The following CCSER1 variants were observed in gnomAD, a reference collection of about 807,000 sequenced individuals.
CCSER1 encodes coiled-coil serine rich protein 1, also known as serine-rich coiled-coil domain-containing protein 1.
A neutral mutation model predicts 82.0 loss-of-function variants in CCSER1; 41 were observed. The ratio of observed to expected loss-of-function variants is 0.50; its 90% CI spans 0.39 to 0.65. CCSER1 has a LOEUF of 0.65. Among genes scored for constraint, CCSER1 ranks in the 30% least tolerant of loss-of-function variants. The probability of loss-of-function intolerance (pLI) is 0.00; values close to 1 mark genes in which losing one functional copy is unlikely to be tolerated. For missense variants in CCSER1, 1,119 were observed against 1,064.2 expected, an observed-to-expected ratio of 1.05 and a Z score of -0.72; for synonymous variants, 414 against 383.9, an observed-to-expected ratio of 1.08 and a Z score of -0.92.
At chr4:90,964,635 G>T (rs1734367969) in intron 9 of CCSER1, among the ~76,000 whole-genome samples, 1 of 144,046 alleles carries the variant, frequency 6.9e-6, no homozygotes, top group Non-Finnish European at 1.5e-5. Flanking sequence ...TGATCCAGGA[G>T]AATGGCATGA....
chr4:91,357,358 TA>T (rs1478892354), intron 10 of CCSER1, among the ~76,000 whole-genome samples: 1 of 152,196 alleles, frequency 6.6e-6, no homozygotes, highest in Non-Finnish European at 1.5e-5. Flanking sequence ...ATAGACTCTT[TA>T]ATCTTTTATA....
At chr4:90,626,626 T>C (rs150449905) in intron 5 of CCSER1, among the ~76,000 whole-genome samples, 309 of 152,296 alleles carry the variant, frequency 2.0e-3, no homozygotes, top group African/African-American at 7.3e-3. Context: ...AGCACTGTTG[T>C]GGTTTAGAGC....
At chr4:90,911,498 G>T in intron 8 of CCSER1, 1 of 330,780 alleles carries the variant, frequency 3.0e-6, no homozygotes, top group Non-Finnish European at 6.0e-6. Context: ...AATCTTGGGG[G>T]CGGTTCCAAG....
intron 7 of CCSER1, among the ~76,000 whole-genome samples, chr4:90,793,825 G>A (rs1044261890): frequency 6.6e-6 from 1 of 152,164 alleles, no homozygotes; most frequent in East Asian, 1.9e-4. Context: ...AACTTTGCCA[G>A]AAGCTGTTAT....
At chr4:91,150,504 A>T (rs574478803) in intron 10 of CCSER1, among the ~76,000 whole-genome samples, 68 of 152,212 alleles carry the variant, frequency 4.5e-4, no homozygotes, top group African/African-American at 1.5e-3. Context: ...TGGCTAGAAC[A>T]TCCAACACTA....
At chr4:91,500,487 A>T (rs1247736620) in intron 10 of CCSER1, among the ~76,000 whole-genome samples, 1 of 151,884 alleles carries the variant, frequency 6.6e-6, no homozygotes, top group Non-Finnish European at 1.5e-5. Context: ...TTTTCCAGAG[A>T]CCATAGTAAA....
intron 10 of CCSER1, among the ~76,000 whole-genome samples, chr4:91,158,216 T>C (rs899557953): frequency 2.0e-5 from 3 of 152,014 alleles, no homozygotes; most frequent in African/African-American, 7.2e-5. Flanking sequence ...TAGTATTAAA[T>C]ATGCTATTTG....
intron 10 of CCSER1, among the ~76,000 whole-genome samples, chr4:91,537,203 C>T (rs116375495): frequency 1.8e-3 from 274 of 152,150 alleles, no homozygotes; most frequent in African/African-American, 6.2e-3. Flanking sequence ...AAGATGAAGA[C>T]ATTGAGACTT....
At chr4:90,932,539 A>G (rs1729955343) in intron 9 of CCSER1, among the ~76,000 whole-genome samples, 1 of 152,040 alleles carries the variant, frequency 6.6e-6, no homozygotes, top group Non-Finnish European at 1.5e-5. Flanking sequence ...GTTATAAGAA[A>G]CACTTAGAGC....
intron 10 of CCSER1, among the ~76,000 whole-genome samples, chr4:91,531,676 A>G (rs1761037147): frequency 6.6e-6 from 1 of 152,184 alleles, no homozygotes; most frequent in Non-Finnish European, 1.5e-5. Flanking sequence ...GAAGTCCAAG[A>G]TCAAAACAAT....
chr4:90,312,870 C>A lies in CCSER1; in HGVS notation c.1332C>A (p.Ala444=). The A allele has an allele frequency of 6.4e-7, 1 of 1,562,228 alleles. No homozygotes were observed. Among genetic ancestry groups the A allele is most frequent in the Non-Finnish European group, 8.7e-7 (1 of 1,150,948 alleles). ...TTATTTTCCTTTCCATAGTTCTTGC[C>A]AGTAGTCTCAGTCCATTTCGTGAAG... ...GYEANPAKVL[A]SSLSPFREGR... Residue 444 remains alanine (A), a synonymous_variant, in exon 3 of 11, where the codon GCC becomes GCA. Coordinates refer to ENST00000509176, the MANE Select transcript of CCSER1 (RefSeq NM_001145065.2).
At chr4:90,738,293 C>G (rs1745982702) in intron 7 of CCSER1, among the ~76,000 whole-genome samples, 1 of 152,118 alleles carries the variant, frequency 6.6e-6, no homozygotes, top group Non-Finnish European at 1.5e-5. Flanking sequence ...GTGCTGTGAT[C>G]TAAGTCTTTG....
chr4:91,498,234 A>C (rs1463055047), intron 10 of CCSER1, among the ~76,000 whole-genome samples: 6 of 151,960 alleles, frequency 3.9e-5, no homozygotes, highest in African/African-American at 1.4e-4. Flanking sequence ...GAAAATTTAG[A>C]TATTTCACTT....
In CCSER1 at chr4:90,547,739, C is replaced by T. The variant is rs535209523; in HGVS notation, c.1724+79385C>T. Among the ~76,000 whole-genome samples the T allele has an allele frequency of 1.6e-3, 248 of 152,112 alleles. 1 individual carries two copies. Among genetic ancestry groups the T allele is most frequent in the African/African-American group, 5.7e-3 (236 of 41,542 alleles). On this transcript the variant is annotated intron_variant, in intron 5 of 10. Transcript: ENST00000509176. The stretch of plus-strand genomic sequence containing the variant: ...GATATATTTTCACTGATCTTAACTT[C>T]GAAAATGATTTCAAATTAAGGATGA...
intron 9 of CCSER1, among the ~76,000 whole-genome samples, chr4:91,030,929 G>C (rs12509672): frequency 0.35 from 52,617 of 151,950 alleles, 10,677 homozygotes; most frequent in East Asian, 0.58. Flanking sequence ...ACAGTTTTTA[G>C]AGCAGTGGTC....
intron 10 of CCSER1, among the ~76,000 whole-genome samples, chr4:91,246,353 G>C (rs1374901525): frequency 6.6e-6 from 1 of 152,104 alleles, no homozygotes; most frequent in African/African-American, 2.4e-5. Context: ...GCCTCAAATT[G>C]AGAAACGTAC....
At chr4:90,963,739 A>G (rs1430587630) in intron 9 of CCSER1, among the ~76,000 whole-genome samples, 1 of 152,132 alleles carries the variant, frequency 6.6e-6, no homozygotes, top group Non-Finnish European at 1.5e-5. Flanking sequence ...TGTGAAAATA[A>G]ATTTCTCAGT....
At chr4:90,383,979 G>A (rs915894333) in intron 3 of CCSER1, among the ~76,000 whole-genome samples, 11 of 150,976 alleles carry the variant, frequency 7.3e-5, no homozygotes, top group Non-Finnish European at 1.2e-4. Context: ...TCCAGGCTGC[G>A]CTTGATCTCC....
chr4:90,821,995 A>G (rs1684927656), intron 8 of CCSER1, among the ~76,000 whole-genome samples: 2 of 152,208 alleles, frequency 1.3e-5, no homozygotes, highest in Admixed American at 1.3e-4. Context: ...AAAATCTTAT[A>G]CATGGTTTTA....
Sources: gnomAD v4.1 joint callset for allele counts (sites outside exome capture counted in the v4.1 genomes callset) on GRCh38, gnomAD v4.1.1 for gene constraint, MANE v1.5 for transcripts, NCBI Gene and HGNC (gene_info 2026-07-23, HGNC 2026-07-21) for gene names.